The following FOXP1 variants were observed in gnomAD, a reference collection of about 807,000 sequenced individuals.
The protein encoded by FOXP1 is forkhead box protein P1.
FOXP1 carries 15 observed loss-of-function variants against 98.2 expected under a neutral mutation model. That is an observed-to-expected ratio of 0.15 (90% confidence interval 0.10 to 0.24). The LOEUF (loss-of-function observed/expected upper bound fraction) is 0.24. Among genes scored for constraint, FOXP1 ranks in the 10% least tolerant of loss-of-function variants. The probability of loss-of-function intolerance (pLI) is 1.00; values close to 1 mark genes in which losing one functional copy is unlikely to be tolerated. For synonymous variants in FOXP1, 371 were observed against 314.5 expected, an observed-to-expected ratio of 1.18 and a Z score of -1.90; for missense variants, 633 against 848.5, an observed-to-expected ratio of 0.75 and a Z score of 3.15.
intron 4 of FOXP1, among the ~76,000 whole-genome samples, chr3:71,328,974 TAAA>T (rs869252301): frequency 3.2e-5 from 1 of 31,166 alleles, no homozygotes; most frequent in Non-Finnish European, 6.2e-5. Context: ...TCCATCTCGC[TAAA>T]AAAAAAAAAA....
intron 3 of FOXP1, among the ~76,000 whole-genome samples, chr3:71,383,645 G>A (rs1203386829): frequency 6.6e-6 from 1 of 152,104 alleles, no homozygotes; most frequent in Non-Finnish European, 1.5e-5. Flanking sequence ...AAAAGCAGGG[G>A]TGTCTGTGCA....
At chr3:71,022,393 T>C (rs1247800787) in intron 11 of FOXP1, among the ~76,000 whole-genome samples, 4 of 152,248 alleles carry the variant, frequency 2.6e-5, no homozygotes, top group South Asian at 2.1e-4. Flanking sequence ...CATTAAGCTA[T>C]AAAATAACTT....
chr3:71,484,283 A>G (rs931421319), intron 3 of FOXP1, among the ~76,000 whole-genome samples: 1 of 152,212 alleles, frequency 6.6e-6, no homozygotes, highest in Non-Finnish European at 1.5e-5. Flanking sequence ...GCATATTTAC[A>G]CTTGTCAACT....
intron 11 of FOXP1, among the ~76,000 whole-genome samples, chr3:71,036,174 C>T (rs1383353595): frequency 6.6e-6 from 1 of 152,146 alleles, no homozygotes; most frequent in Non-Finnish European, 1.5e-5. Flanking sequence ...CAGGCGGAAA[C>T]CTTCAGGGGT....
chr3:71,287,890 T>C (rs2072324300), intron 5 of FOXP1, among the ~76,000 whole-genome samples: 1 of 152,108 alleles, frequency 6.6e-6, no homozygotes, highest in South Asian at 2.1e-4. Flanking sequence ...TTCATATATA[T>C]ATATTTTGAG....
intron 6 of FOXP1, among the ~76,000 whole-genome samples, chr3:71,151,213 A>G (rs1484469962): frequency 6.6e-6 from 1 of 152,238 alleles, no homozygotes; most frequent in Non-Finnish European, 1.5e-5. Flanking sequence ...AGAGATTAAT[A>G]TAGCCAAGTT....
chr3:71,581,488 T>C, intron 2 of FOXP1, 61 bp downstream of exon 2: 1 of 985,472 alleles, frequency 1.0e-6, no homozygotes, highest in Non-Finnish European at 1.2e-6. Context: ...GGAGAACCCC[T>C]AGTGCCGCCT....
At chr3:71,385,488 T>G (rs1225713063) in intron 3 of FOXP1, among the ~76,000 whole-genome samples, 1 of 152,158 alleles carries the variant, frequency 6.6e-6, no homozygotes, top group African/African-American at 2.4e-5. Flanking sequence ...TCAGCTGCTC[T>G]GGGGAGAGAC....
At chr3:70,980,795 A>G (rs2038695931) in intron 14 of FOXP1, among the ~76,000 whole-genome samples, 2 of 152,182 alleles carry the variant, frequency 1.3e-5, no homozygotes, top group African/African-American at 4.8e-5. Context: ...GCTGCCCTTG[A>G]AGCGCTTACC....
chr3:71,294,379 A>G (rs1283788899), intron 5 of FOXP1, among the ~76,000 whole-genome samples: 1 of 152,230 alleles, frequency 6.6e-6, no homozygotes, highest in African/African-American at 2.4e-5. Context: ...GCTAAAACAC[A>G]TAATTCCCGA....
intron 2 of FOXP1, among the ~76,000 whole-genome samples, chr3:71,555,455 T>C (rs909750873): frequency 6.6e-6 from 1 of 152,122 alleles, no homozygotes; most frequent in East Asian, 1.9e-4. Flanking sequence ...CTGCACATAG[T>C]CTCCTTGTAA....
At chr3:71,117,894 T>A (rs1338436160) in intron 6 of FOXP1, among the ~76,000 whole-genome samples, 1 of 152,198 alleles carries the variant, frequency 6.6e-6, no homozygotes, top group East Asian at 1.9e-4. Context: ...AGGTGAATGA[T>A]AAAACCAGGC....
intron 12 of FOXP1, among the ~76,000 whole-genome samples, chr3:71,003,070 A>C (rs1352247650): frequency 6.6e-6 from 1 of 152,228 alleles, no homozygotes; most frequent in Non-Finnish European, 1.5e-5. Flanking sequence ...ATTTGCTAAG[A>C]ACCCAAACGA....
chr3:71,132,981 TA>T (rs5849991), intron 6 of FOXP1, among the ~76,000 whole-genome samples: 57 of 147,484 alleles, frequency 3.9e-4, no homozygotes, highest in African/African-American at 9.9e-4. Flanking sequence ...TCTCTAACCA[TA>T]AAAAAAAAAA....
intron 2 of FOXP1, among the ~76,000 whole-genome samples, chr3:71,552,589 A>C (rs2107678354): frequency 6.6e-6 from 1 of 152,164 alleles, no homozygotes; most frequent in East Asian, 1.9e-4. Flanking sequence ...AAAACTAAAA[A>C]ATAAAAGCAA....
chr3:71,525,232 G>A lies in FOXP1; in HGVS notation c.-297-31677C>T, dbSNP rs577122723. Among the ~76,000 whole-genome samples, 17 of 152,116 alleles carry A rather than the reference G, an allele frequency of 1.1e-4. 1 individual carries two copies. The highest frequency in any genetic ancestry group is 4.1e-4 in the African/African-American group (17 of 41,466). On this transcript the variant is annotated intron_variant, in intron 2 of 20. Coordinates refer to ENST00000649528, the MANE Select transcript of FOXP1 (RefSeq NM_001349338.3). The stretch of plus-strand genomic sequence containing the variant: ...TGATACATAATTTCACCAAAACTAG[G>A]GTGGATAAAAAAATTAGCTTTAGGA...
At chr3:71,059,214 G>T (rs1046991003) in intron 7 of FOXP1, among the ~76,000 whole-genome samples, 1 of 151,988 alleles carries the variant, frequency 6.6e-6, no homozygotes, top group Non-Finnish European at 1.5e-5. Flanking sequence ...CAAAAAAATT[G>T]TAAGGCCAAG....
intron 3 of FOXP1, among the ~76,000 whole-genome samples, chr3:71,417,045 C>T (rs1319350172): frequency 6.6e-6 from 1 of 152,160 alleles, no homozygotes; most frequent in Non-Finnish European, 1.5e-5. Context: ...AAACAAATGT[C>T]CAATCCTATT....
intron 3 of FOXP1, among the ~76,000 whole-genome samples, chr3:71,489,796 C>A (rs2090933804): frequency 6.6e-6 from 1 of 152,210 alleles, no homozygotes; most frequent in East Asian, 1.9e-4. Flanking sequence ...CAATCGAGTA[C>A]ATTACCCGTC....
Sources: allele counts gnomAD v4.1 joint callset (sites outside exome capture counted in the v4.1 genomes callset), GRCh38; gene constraint gnomAD v4.1.1; transcripts MANE v1.5; gene names NCBI Gene and HGNC (gene_info 2026-07-23, HGNC 2026-07-21).